The following SNTB1 variants were observed in gnomAD, a reference collection of about 807,000 sequenced individuals.
The protein encoded by SNTB1 is syntrophin beta 1.
SNTB1 carries 36 observed loss-of-function variants against 48.9 expected under a neutral mutation model. The observed-to-expected ratio is 0.74, with a 90% CI of 0.56 to 0.97. The LOEUF (loss-of-function observed/expected upper bound fraction) is 0.97. Ranked by LOEUF, SNTB1 falls within the 50% of genes least tolerant of loss-of-function variation. The pLI is 0.00. For synonymous variants in SNTB1, 299 were observed against 294.6 expected, an observed-to-expected ratio of 1.01 and a Z score of -0.15; for missense variants, 786 against 703.4, an observed-to-expected ratio of 1.12 and a Z score of -1.33.
chr8:120,808,531 T>C (rs1339146891), intron 1 of SNTB1, among the ~76,000 whole-genome samples: 1 of 152,210 alleles, frequency 6.6e-6, no homozygotes, highest in East Asian at 1.9e-4. Flanking sequence ...TCATGTTCAT[T>C]TCATTTGAAT....
chr8:120,555,285 G>T (rs1815548613), intron 4 of SNTB1, among the ~76,000 whole-genome samples: 1 of 152,208 alleles, frequency 6.6e-6, no homozygotes, highest in South Asian at 2.1e-4. Context: ...GGGTCTCCGA[G>T]CAGAAAGGAC....
At position 120,548,612 on chromosome 8, in the gene SNTB1, G is replaced by T. The variant is rs1815422900; in HGVS notation, c.1333+150C>A. On this transcript the variant is annotated intron_variant, in intron 5 of 6. Transcript: ENST00000517992. Reference sequence around the variant, plus strand: ...TTAGGTTACATTTTAGTAGGGTATAGACCTCCTTAATTTAGAAGAATTTAA... The same window carrying T: ...TTAGGTTACATTTTAGTAGGGTATATACCTCCTTAATTTAGAAGAATTTAA... The T allele has an allele frequency of 7.4e-6, 5 of 673,554 alleles. No individual in the cohort carries two copies. The Admixed American group carries it at 7.9e-5, about 11-fold the overall frequency. The allele number at this position is 673,554 out of a possible 1,614,324, so 41.7% of individuals were successfully genotyped here.
intron 3 of SNTB1, among the ~76,000 whole-genome samples, chr8:120,626,571 A>G (rs1816885792): frequency 1.3e-5 from 2 of 152,216 alleles, no homozygotes; most frequent in Admixed American, 6.5e-5. Context: ...GAGTAGTTTG[A>G]ATAGACCTTT....
At chr8:120,639,518 C>T (rs899214664) in intron 2 of SNTB1, among the ~76,000 whole-genome samples, 7 of 152,142 alleles carry the variant, frequency 4.6e-5, no homozygotes. Flanking sequence ...TTAGGTCTAA[C>T]ATTTAAGTCT....
At chr8:120,765,420 G>T (rs911664430) in intron 1 of SNTB1, among the ~76,000 whole-genome samples, 6 of 152,170 alleles carry the variant, frequency 3.9e-5, no homozygotes, top group Admixed American at 1.3e-4. Flanking sequence ...CGTAGACTGT[G>T]GTTGTCTGAG....
rs533180568 is a variant in SNTB1 at position 120,809,691 on chromosome 8, T to C, written c.571+1582A>G. Among the ~76,000 whole-genome samples the C allele has an allele frequency of 2.7e-5, 4 of 147,636 alleles. No individual in the cohort carries two copies. The East Asian group carries it at 8.8e-4, about 32-fold the overall frequency. On this transcript the variant is annotated intron_variant, in intron 1 of 6. Transcript: ENST00000517992. ...CAACAGTTTATAGTCCAAATAACACTTGCCCCAGATCCCACCTGCCCCTTG... is the reference window on the plus strand; with the variant it reads ...CAACAGTTTATAGTCCAAATAACACCTGCCCCAGATCCCACCTGCCCCTTG...
At chr8:120,811,218 A>T in intron 1 of SNTB1, 55 bp downstream of exon 1, 1 of 1,526,042 alleles carries the variant, frequency 6.6e-7, no homozygotes, top group Non-Finnish European at 8.7e-7. Context: ...TGCGGGTGGG[A>T]AGCCGAGCAG....
At chr8:120,612,820 C>T (rs1816647404) in intron 3 of SNTB1, among the ~76,000 whole-genome samples, 3 of 152,192 alleles carry the variant, frequency 2.0e-5, no homozygotes, top group Admixed American at 2.0e-4. Flanking sequence ...ATTTTGATAA[C>T]ATGCATGAAA....
intron 1 of SNTB1, among the ~76,000 whole-genome samples, chr8:120,732,490 T>C (rs1228787160): frequency 6.6e-6 from 1 of 152,216 alleles, no homozygotes; most frequent in African/African-American, 2.4e-5. Flanking sequence ...TTTACTTCAG[T>C]TAAGAGTTAA....
chr8:120,803,569 A>G (rs1427310129), intron 1 of SNTB1, among the ~76,000 whole-genome samples: 1 of 152,192 alleles, frequency 6.6e-6, no homozygotes, highest in Non-Finnish European at 1.5e-5. Flanking sequence ...TTCCTTCACC[A>G]AACAGACCAC....
At chr8:120,803,326 T>G (rs1440005399) in intron 1 of SNTB1, among the ~76,000 whole-genome samples, 1 of 152,138 alleles carries the variant, frequency 6.6e-6, no homozygotes, top group Non-Finnish European at 1.5e-5. Context: ...GTTAGGGCAT[T>G]GATTTTGTGG....
intron 1 of SNTB1, among the ~76,000 whole-genome samples, chr8:120,745,003 G>A (rs962908397): frequency 6.6e-6 from 1 of 152,066 alleles, no homozygotes; most frequent in African/African-American, 2.4e-5. Flanking sequence ...CTGAGAGACT[G>A]ACCTCTGTGG....
At chr8:120,567,416 CTTT>C (rs10699484) in intron 4 of SNTB1, among the ~76,000 whole-genome samples, 1 of 134,716 alleles carries the variant, frequency 7.4e-6, no homozygotes, top group Admixed American at 7.6e-5. Flanking sequence ...GGTTGAGCTC[CTTT>C]TTTTTTTTTT....
chr8:120,804,768 C>T (rs962422891), intron 1 of SNTB1, among the ~76,000 whole-genome samples: 2 of 152,162 alleles, frequency 1.3e-5, no homozygotes, highest in African/African-American at 2.4e-5. Context: ...CCCCACTCTT[C>T]CCCCTCAGTA....
At chr8:120,548,438 TG>T (rs978878536) in intron 5 of SNTB1, among the ~76,000 whole-genome samples, 4 of 152,244 alleles carry the variant, frequency 2.6e-5, no homozygotes, top group African/African-American at 9.6e-5. Flanking sequence ...TTCTGTTGTT[TG>T]TAACCAAGAG....
At chr8:120,585,277 G>A (rs138716974) in intron 3 of SNTB1, among the ~76,000 whole-genome samples, 2 of 152,338 alleles carry the variant, frequency 1.3e-5, no homozygotes, top group East Asian at 1.9e-4. Context: ...TGGCTCATGT[G>A]TGGAGCTCAG....
chr8:120,765,734 C>T (rs944470791), intron 1 of SNTB1: 1 of 152,168 alleles, frequency 6.6e-6, no homozygotes, highest in South Asian at 2.1e-4. Context: ...CACTGTTGCA[C>T]TGGGTATTAA....
chr8:120,571,347 A>G lies in SNTB1; in HGVS notation c.1136+3739T>C, dbSNP rs1430016874. ...CGGGAATGTCTCAGAATCTGAAGAT[A>G]ATGTTCACGGATGAGGACTGTGGAT... On this transcript the variant is annotated intron_variant, in intron 4 of 6. Transcript: ENST00000517992. 3.9e-6 allele frequency: 5 copies of G among 1,287,868 alleles called. 1 individual carries two copies. Among genetic ancestry groups the G allele is most frequent in the African/African-American group, 1.5e-5 (1 of 65,778 alleles). The allele number at this position is 1,287,868 out of a possible 1,614,324, so 79.8% of individuals were successfully genotyped here.
intron 1 of SNTB1, among the ~76,000 whole-genome samples, chr8:120,735,988 T>C (rs1343956757): frequency 2.6e-5 from 4 of 152,148 alleles, no homozygotes; most frequent in African/African-American, 9.7e-5. Flanking sequence ...CTGGGTAATT[T>C]CTAAAGGAAA....
Sources: allele counts gnomAD v4.1 joint callset (sites outside exome capture counted in the v4.1 genomes callset), GRCh38; gene constraint gnomAD v4.1.1; transcripts MANE v1.5; gene names NCBI Gene and HGNC (gene_info 2026-07-23, HGNC 2026-07-21).